Variants in SCN4A observed in about 807,000 individuals in gnomAD.
SCN4A encodes the protein sodium voltage-gated channel alpha subunit 4.
In SCN4A, 83 loss-of-function variants were observed where a neutral mutation model predicts 162.0. The observed-to-expected ratio is 0.51, with a 90% CI of 0.43 to 0.61. SCN4A has a LOEUF of 0.61. Ranked by LOEUF, SCN4A falls within the 20% of genes least tolerant of loss-of-function variation. The pLI is 0.00. For synonymous variants in SCN4A, 944 were observed against 985.1 expected (o/e 0.96, Z 0.78); for missense variants, 2,196 against 2,462.5 (o/e 0.89, Z 2.29).
Position 63,940,927 on chromosome 17 carries a change from C to G in SCN4A, c.5355G>C (p.Gly1785=), listed in dbSNP as rs777739628. 6.2e-7 allele frequency: 1 copy of G among 1,613,998 alleles called. No homozygotes were observed. Among genetic ancestry groups the G allele is most frequent in the Non-Finnish European group, 8.5e-7 (1 of 1,179,884 alleles). ...TMSKMYGHEN[G]NSSSPSPEEK... ...CCTCCGGGCTTGGCGAGCTGCTGTTCCCATTCTCGTGGCCATACATCTTGC... is the reference window on the plus strand; with the variant it reads ...CCTCCGGGCTTGGCGAGCTGCTGTTGCCATTCTCGTGGCCATACATCTTGC... Residue 1785 remains glycine (G), a synonymous_variant, in exon 24 of 24, where the codon GGG becomes GGC. Coordinates refer to ENST00000435607, the MANE Select transcript of SCN4A (RefSeq NM_000334.4).
At position 63,942,629 on chromosome 17, in the gene SCN4A, T is replaced by G. The variant is rs2058193; in HGVS notation, c.4288+197A>C. Reference sequence around the variant, plus strand: ...GGTCAGTTGTGTGTCCTGAGGTGCATCCATGTGTGCGCGGGTGACGATCTG... The same window carrying G: ...GGTCAGTTGTGTGTCCTGAGGTGCAGCCATGTGTGCGCGGGTGACGATCTG... On this transcript the variant is annotated intron_variant, in intron 23 of 23. Coordinates refer to ENST00000435607, the MANE Select transcript of SCN4A (RefSeq NM_000334.4). 4.3e-3 allele frequency among the ~76,000 whole-genome samples: 651 copies of G among 152,368 alleles called. 3 individuals carry two copies. The highest frequency in any genetic ancestry group is 0.015 in the African/African-American group (629 of 41,594).
In SCN4A at chr17:63,941,873, G is replaced by A. The variant is rs768902973; in HGVS notation, c.4409C>T (p.Thr1470Met). The A allele has an allele frequency of 5.0e-6, 8 of 1,613,894 alleles. No homozygotes were observed. The highest frequency in any genetic ancestry group is 4.5e-5 in the East Asian group (2 of 44,880). ...CGACATCATGAGGGCGAACAGCAGC[G>A]TCCGGATGCCCTTGGCCCCGCGGAT... The part of the protein sequence containing the change: ...RLIRGAKGIR[T>M]LLFALMMSLP... The change falls in exon 24 of 24, where the codon ACG becomes ATG. Residue 1470 changes from threonine (T) to methionine (M), a missense_variant. By Grantham distance (81) the Thr-to-Met change is moderately conservative. Transcript: ENST00000435607. This position sits in a 1 kb window ranked among gnomAD's most constrained non-coding sequence, Gnocchi z 6.2.
rs1183710096 is a variant in SCN4A, at chr17:63,951,451, G to A, written c.2826C>T (p.Asp942=). 1.2e-6 allele frequency: 2 copies of A among 1,605,730 alleles called. No individual in the cohort carries two copies. The highest frequency in any genetic ancestry group is 2.2e-5 in the East Asian group (1 of 44,652). ...DLEMPTEEET[D]TFSEPEDSKK... is the part of the protein sequence containing the mutation. ...TGCTATCCTCAGGCTCTGAGAAAGT[G>A]TCGGTTTCCTCCTCGGTGGGCATCT... The change falls in exon 14 of 24, where the codon GAC becomes GAT. Residue 942 remains aspartate, a synonymous_variant. Coordinates refer to ENST00000435607, the MANE Select transcript of SCN4A (RefSeq NM_000334.4). This position sits in a 1 kb window ranked among gnomAD's most constrained non-coding sequence, Gnocchi z 4.5.
At position 63,939,921 on chromosome 17, in the gene SCN4A, T is replaced by TG. The variant is rs1245330315; in HGVS notation, c.*849dup. The TG allele has an allele frequency of 6.6e-6, 1 of 152,190 alleles. No individual in the cohort carries two copies. The highest frequency in any genetic ancestry group is 1.9e-4 in the East Asian group (1 of 5,186). 9.4% of individuals were successfully genotyped at this position (152,190 alleles called of 1,614,324 possible). A position where few individuals can be genotyped will look rare whatever the true frequency, so the allele number is the denominator to read the frequency against. On this transcript the variant is annotated 3_prime_UTR_variant, in exon 24 of 24. Coordinates refer to ENST00000435607, the MANE Select transcript of SCN4A (RefSeq NM_000334.4). ...ATCTTCTTACTGAGCAGCAGGTCCC[T>TG]GACTCCCGCTCAGGTCTGGATGCTC...
At chr17:63,968,991 C>T (rs1406983130) in intron 5 of SCN4A, among the ~76,000 whole-genome samples, 1 of 152,096 alleles carries the variant, frequency 6.6e-6, no homozygotes, top group African/African-American at 2.4e-5. Flanking sequence ...AGGTGCATGC[C>T]ACCACACCCA....
chr17:63,972,015 G>A lies in SCN4A; in HGVS notation c.482+121C>T. ...GGCCACCCCAGGGACTCAAGGTGTG[G>A]ATGAGGGTCACAATGACAGTGTGTC... On this transcript the variant is annotated intron_variant, in intron 3 of 23. Coordinates refer to ENST00000435607, the MANE Select transcript of SCN4A (RefSeq NM_000334.4). The surrounding 1 kb of genome is among the most constrained non-coding windows in gnomAD (Gnocchi z 4.3). The A allele has an allele frequency of 9.5e-7, 1 of 1,051,486 alleles. No homozygotes were observed. Among genetic ancestry groups the A allele is most frequent in the African/African-American group, 1.6e-5 (1 of 63,924 alleles). The allele number at this position is 1,051,486 out of a possible 1,614,324, so 65.1% of individuals were successfully genotyped here. A position where few individuals can be genotyped will look rare whatever the true frequency, so the allele number is the denominator to read the frequency against.
chr17:63,959,467 G>A lies in SCN4A; in HGVS notation c.1846-29C>T, dbSNP rs375231812. ...GGGGGTGGCATGAGGCCCTGTCACAGAGCCTCGGGGAGCCCAGGGCCCTGG... is the reference window on the plus strand; with the variant it reads ...GGGGGTGGCATGAGGCCCTGTCACAAAGCCTCGGGGAGCCCAGGGCCCTGG... On this transcript the variant is annotated intron_variant, in intron 11 of 23. Coordinates refer to ENST00000435607, the MANE Select transcript of SCN4A (RefSeq NM_000334.4). The A allele has an allele frequency of 1.9e-6, 3 of 1,602,260 alleles. No individual in the cohort carries two copies. In the African/African-American group the frequency reaches 4.0e-5, roughly 21 times the overall value.
intron 8 of SCN4A, 41 bp downstream of exon 8, chr17:63,966,061 A>C: frequency 1.6e-6 from 2 of 1,269,052 alleles, no homozygotes; most frequent in South Asian, 1.3e-5. Context: ...ATGGAGGGGG[A>C]GTGGCTGTAG....
Position 63,971,830 on chromosome 17 carries a change from T to C in SCN4A, c.503A>G (p.Tyr168Cys). Residue 168 changes from tyrosine to cysteine, a missense_variant, in exon 4 of 24, where the codon TAC becomes TGC. Coordinates refer to ENST00000435607, the MANE Select transcript of SCN4A (RefSeq NM_000334.4). ...TATCTTGATGAGGGACTCAAAGGTG[T>C]AGATCCCTGTGAAGGTGTACCTGGG... ...KNVEYTFTGI[Y>C]TFESLIKILA... 1.2e-6 allele frequency: 2 copies of C among 1,613,458 alleles called. No homozygotes were observed. Among genetic ancestry groups the C allele is most frequent in the Non-Finnish European group, 1.7e-6 (2 of 1,179,696 alleles).
At position 63,941,768 on chromosome 17, in the gene SCN4A, G is replaced by A; in HGVS notation, c.4514C>T (p.Ala1505Val). Residue 1505 changes from alanine (A) to valine (V), a missense_variant, in exon 24 of 24, where the codon GCC becomes GTC. Coordinates refer to ENST00000435607, the MANE Select transcript of SCN4A (RefSeq NM_000334.4). This position sits in a 1 kb window ranked among gnomAD's most constrained non-coding sequence, Gnocchi z 6.2. ...GATGCCCGACTCCTTCTTGACGTAGGCAAAGTTGGACATGCCGAAGATGGA... is the reference window on the plus strand; with the variant it reads ...GATGCCCGACTCCTTCTTGACGTAGACAAAGTTGGACATGCCGAAGATGGA... The part of the protein sequence containing the change: ...IYSIFGMSNF[A>V]YVKKESGIDD... The A allele has an allele frequency of 1.2e-6, 2 of 1,614,158 alleles. No homozygotes were observed. Among genetic ancestry groups the A allele is most frequent in the Non-Finnish European group, 1.7e-6 (2 of 1,180,036 alleles).
chr17:63,966,688 T>G, intron 6 of SCN4A, 144 bp from the exon 7 acceptor site: 2 of 657,672 alleles, frequency 3.0e-6, no homozygotes, highest in South Asian at 3.5e-5. Flanking sequence ...TCCCCGTCCT[T>G]TAAGGACAGC....
intron 5 of SCN4A, 85 bp from the exon 6 acceptor site, chr17:63,968,440 T>C: frequency 1.9e-6 from 2 of 1,078,382 alleles, no homozygotes; most frequent in Non-Finnish European, 1.4e-6. Context: ...CCAAGCTTTT[T>C]CCTACTCCAT....
intron 12 of SCN4A, 66 bp from the exon 13 acceptor site, chr17:63,957,584 T>A: frequency 9.0e-7 from 1 of 1,111,296 alleles, no homozygotes; most frequent in Middle Eastern, 2.0e-4. Context: ...GCCCCAGCCT[T>A]AGGAGAAAGA....
At chr17:63,954,727 G>A (rs1342486835) in intron 13 of SCN4A, among the ~76,000 whole-genome samples, 1 of 152,168 alleles carries the variant, frequency 6.6e-6, no homozygotes, top group African/African-American at 2.4e-5. Flanking sequence ...CCAAGGAGCT[G>A]ACAGTGCCAC....
chr17:63,942,692 G>T, intron 23 of SCN4A, 134 bp downstream of exon 23: 1 of 911,020 alleles, frequency 1.1e-6, no homozygotes, highest in Non-Finnish European at 1.7e-6. Context: ...CATTGAGAGT[G>T]AATGGCAGGC....
rs1555604611 is a variant in SCN4A, at chr17:63,968,219, A to G, written c.840T>C (p.Cys280=). The G allele has an allele frequency of 6.2e-6, 10 of 1,614,046 alleles. No homozygotes were observed. The highest frequency in any genetic ancestry group is 7.6e-6 in the Non-Finnish European group (9 of 1,179,920). ...CGTTGAACGGCGGGGGCCAGCGCAC[A>G]CACTTCTGCCTCAGGTTTCCCATGA... is the stretch of plus-strand genomic sequence containing the variant. The part of the protein sequence containing the change: ...QLFMGNLRQK[C]VRWPPPFNDT... The change falls in exon 6 of 24, where the codon TGT becomes TGC. Residue 280 remains cysteine (C), a synonymous_variant. Transcript: ENST00000435607.
rs534926469 is a variant in SCN4A, at chr17:63,966,160, G to A, written c.1184C>T (p.Ala395Val). Residue 395 changes from alanine (A) to valine (V), a missense_variant, in exon 8 of 24, where the codon GCC (alanine) becomes GTC (valine). Ala to Val is a moderately conservative substitution (Grantham distance 64). Transcript: ENST00000435607. ...GYTSYDTFSW[A>V]FLALFRLMTQ... ...CATGAGGCGGAAGAGAGCCAAGAAG[G>A]CCCAGCTGAAGGTGTCATAGCTGGT... is the stretch of plus-strand genomic sequence containing the variant. 6.3e-7 allele frequency: 1 copy of A among 1,593,886 alleles called. No homozygotes were observed. The highest frequency in any genetic ancestry group is 1.1e-5 in the South Asian group (1 of 87,588).
chr17:63,972,180 T>A lies in SCN4A; in HGVS notation c.438A>T (p.Val146=). 6.2e-7 allele frequency: 1 copy of A among 1,613,682 alleles called. No homozygotes were observed. Among genetic ancestry groups the A allele is most frequent in the South Asian group, 1.1e-5 (1 of 90,984 alleles). ...GAGGCGGGTCACTCATGGTCATGAA[T>A]ACGCAGTTGGTCAAGATGGTGATCA... ...FIMITILTNC[V]FMTMSDPPPW... is the part of the protein sequence containing the mutation. The change falls in exon 3 of 24, where the codon GTA becomes GTT. Residue 146 remains valine, a synonymous_variant. Transcript: ENST00000435607. This position sits in a 1 kb window ranked among gnomAD's most constrained non-coding sequence, Gnocchi z 4.3.
Position 63,959,388 on chromosome 17 carries a change from C to T in SCN4A, c.1896G>A (p.Met632Ile). The T allele has an allele frequency of 6.2e-7, 1 of 1,613,954 alleles. No homozygotes were observed. The highest frequency in any genetic ancestry group is 2.2e-5 in the East Asian group (1 of 44,880). Residue 632 changes from methionine (M) to isoleucine (I), a missense_variant, in exon 12 of 24, where the codon ATG becomes ATA. Met to Ile is a conservative substitution (Grantham distance 10). Transcript: ENST00000435607. The stretch of plus-strand genomic sequence containing the variant: ...CCTGCTGGAAATACTCGTAGGGGTC[C>T]ATGGCAATCAGCTTCAGAACCATCT... Reference protein sequence around the residue: ...TAEMVLKLIAMDPYEYFQQGW... With the variant: ...TAEMVLKLIAIDPYEYFQQGW...
Sources: allele counts gnomAD v4.1 joint callset (sites outside exome capture counted in the v4.1 genomes callset), GRCh38; gene constraint gnomAD v4.1.1; non-coding constraint Gnocchi (gnomAD v3.1); transcripts MANE v1.5; gene names NCBI Gene and HGNC (gene_info 2026-07-23, HGNC 2026-07-21).